The following TBX1 variants were observed in gnomAD, a reference collection of about 807,000 sequenced individuals.
TBX1 encodes T-box transcription factor TBX1.
TBX1 carries 16 observed loss-of-function variants against 40.8 expected under a neutral mutation model. The ratio of observed to expected loss-of-function variants is 0.39; its 90% CI spans 0.27 to 0.60. TBX1 has a LOEUF of 0.60. TBX1 is among the 20% of genes least tolerant of loss of function. TBX1 has a pLI of 0.51. For synonymous variants in TBX1, 403 were observed against 336.8 expected (o/e 1.20, Z -2.15); for missense variants, 755 against 728.5 (o/e 1.04, Z -0.42).
chr22:19,766,502 G>C lies in TBX1; in HGVS notation c.1150G>C (p.Gly384Arg), dbSNP rs985110861. The change falls in exon 7 of 7, where the codon GGG (glycine) becomes CGG (arginine). Residue 384 changes from glycine (G) to arginine (R), a missense_variant. Transcript: ENST00000649276. ...LARVLSPSLPGAGGAGGLVPL... is the reference protein window; with the variant it reads ...LARVLSPSLPRAGGAGGLVPL... The stretch of plus-strand genomic sequence containing the variant: ...CCGGGTGCTAAGCCCCTCGCTGCCC[G>C]GGGCCGGCGGCGCCGGCGGCTTAGT... 2.3e-6 allele frequency: 3 copies of C among 1,308,780 alleles called. No individual in the cohort carries two copies. The highest frequency in any genetic ancestry group is 1.6e-5 in the African/African-American group (1 of 63,948). 81.1% of individuals were successfully genotyped at this position (1,308,780 alleles called of 1,614,324 possible).
upstream of TBX1, among the ~76,000 whole-genome samples, chr22:19,760,156 G>C (rs940097623): frequency 1.1e-4 from 16 of 146,806 alleles, no homozygotes; most frequent in African/African-American, 3.8e-4. Flanking sequence ...AGAAAACGAA[G>C]GGAAAATTTA....
chr22:19,781,183 G>A (rs1192705212), downstream of TBX1, among the ~76,000 whole-genome samples: 2 of 152,120 alleles, frequency 1.3e-5, no homozygotes, highest in African/African-American at 4.8e-5. Context: ...TAGTGATGCT[G>A]TGCCTGCTGG....
downstream of TBX1, among the ~76,000 whole-genome samples, chr22:19,769,093 TG>T (rs1435071892): frequency 6.6e-6 from 1 of 151,868 alleles, no homozygotes; most frequent in African/African-American, 2.4e-5. Context: ...TCAGAGTAGC[TG>T]GGACTACAGG....
intron 8 of TBX1, among the ~76,000 whole-genome samples, chr22:19,778,432 T>G (rs964995958): frequency 6.8e-6 from 1 of 147,436 alleles, no homozygotes; most frequent in Non-Finnish European, 1.5e-5. Context: ...TTCTTTCTTT[T>G]CTTCTTCTTT....
chr22:19,763,385 T>G, intron 2 of TBX1, 43 bp downstream of exon 2: 1 of 1,596,054 alleles, frequency 6.3e-7, no homozygotes, highest in Non-Finnish European at 8.6e-7. Flanking sequence ...GAGGGCACCC[T>G]GGAAAGTGGC....
At chr22:19,757,064 C>G (rs1309167308), upstream of TBX1, among the ~76,000 whole-genome samples, 1 of 152,180 alleles carries the variant, frequency 6.6e-6, no homozygotes, top group Non-Finnish European at 1.5e-5. Flanking sequence ...TTCCGGGCCC[C>G]TTTAGCCGAG....
At chr22:19,782,972 C>G (rs1311024739), downstream of TBX1, 5 of 1,463,354 alleles carry the variant, frequency 3.4e-6, no homozygotes, top group East Asian at 1.1e-4. Flanking sequence ...CTTGAAGCCC[C>G]CAAGTAAGAA....
rs746699675 is a variant in TBX1, at chr22:19,766,794, C to G, written c.1442C>G (p.Ala481Gly). The G allele has an allele frequency of 6.6e-7, 1 of 1,514,192 alleles. No individual in the cohort carries two copies. Among genetic ancestry groups the G allele is most frequent in the Non-Finnish European group, 8.7e-7 (1 of 1,146,204 alleles). 93.8% of individuals were successfully genotyped at this position (1,514,192 alleles called of 1,614,324 possible). Residue 481 changes from alanine (A) to glycine (G), a missense_variant, in exon 7 of 7, where the codon GCT (alanine) becomes GGT (glycine). Ala to Gly is a moderately conservative substitution (Grantham distance 60). Transcript: ENST00000649276. ...GCGGCCGCCGCCGCCGCTGCCGCAGCTGCCGCGGCCGCCAACATGTACTCG... is the reference window on the plus strand; with the variant it reads ...GCGGCCGCCGCCGCCGCTGCCGCAGGTGCCGCGGCCGCCAACATGTACTCG... ...AAAAAAAAAA[A>G]AAAANMYSSA... is the part of the protein sequence containing the mutation.
upstream of TBX1, chr22:19,759,823 G>A: frequency 9.7e-7 from 1 of 1,030,556 alleles, no homozygotes. Flanking sequence ...CAGAGAGGAA[G>A]AGCCGGCATC....
At chr22:19,759,055 G>C (rs1936554221), upstream of TBX1, among the ~76,000 whole-genome samples, 1 of 152,176 alleles carries the variant, frequency 6.6e-6, no homozygotes, top group Non-Finnish European at 1.5e-5. Flanking sequence ...GCTGGGCTCC[G>C]GCAGCCACTC....
chr22:19,767,120 C>A lies in TBX1; in HGVS notation c.*253C>A, dbSNP rs938071683. 10 of 1,246,074 alleles carry A rather than the reference C, an allele frequency of 8.0e-6. No individual in the cohort carries two copies. Among genetic ancestry groups the A allele is most frequent in the Non-Finnish European group, 9.0e-6 (9 of 996,664 alleles). 77.2% of individuals were successfully genotyped at this position (1,246,074 alleles called of 1,614,324 possible). A position where few individuals can be genotyped will look rare whatever the true frequency, so the allele number is the denominator to read the frequency against. On this transcript the variant is annotated 3_prime_UTR_variant, in exon 7 of 7. Transcript: ENST00000649276. ...CCCCGGCCCCGAGGGCCAAGGGGGT[C>A]CCCGCCCGCCAGTGCCAAAGCGCCC...
At chr22:19,770,186 C>T (rs886513600), downstream of TBX1, among the ~76,000 whole-genome samples, 20 of 152,154 alleles carry the variant, frequency 1.3e-4, no homozygotes, top group African/African-American at 3.9e-4. Flanking sequence ...CTCAGGAGGA[C>T]GAGAGACCAG....
downstream of TBX1, among the ~76,000 whole-genome samples, chr22:19,781,904 C>T (rs1937146322): frequency 6.6e-6 from 1 of 152,180 alleles, no homozygotes; most frequent in Non-Finnish European, 1.5e-5. Context: ...AGGAGAATTG[C>T]TTGAGGCCAG....
chr22:19,767,403 G>C, downstream of TBX1: 2 of 985,908 alleles, frequency 2.0e-6, no homozygotes, highest in Non-Finnish European at 2.4e-6. Flanking sequence ...AGCGAGCCCG[G>C]GGTAGCTCAG....
At chr22:19,774,277 G>A (rs569017950) in intron 8 of TBX1, among the ~76,000 whole-genome samples, 40 of 152,158 alleles carry the variant, frequency 2.6e-4, no homozygotes, top group Admixed American at 1.3e-3. Context: ...CGCCTGGGCG[G>A]GCCTAGGCAC....
chr22:19,762,002 A>G (rs1978060), intron 1 of TBX1, among the ~76,000 whole-genome samples: 95,483 of 152,190 alleles, frequency 0.63, 30,762 homozygotes, highest in African/African-American at 0.76. Context: ...TCTAATGTAC[A>G]CACCAGCTCG....
chr22:19,762,056 C>T (rs571505763), intron 1 of TBX1, among the ~76,000 whole-genome samples: 128 of 152,384 alleles, frequency 8.4e-4, no homozygotes, highest in African/African-American at 2.9e-3. Flanking sequence ...TTTGCAAAGC[C>T]TTCTCGTGGT....
At position 19,766,978 on chromosome 22, in the gene TBX1, C is replaced by A. The variant is rs901809779; in HGVS notation, c.*111C>A. 3 of 1,463,446 alleles carry A rather than the reference C, an allele frequency of 2.0e-6. No homozygotes were observed. The highest frequency in any genetic ancestry group is 4.7e-5 in the Admixed American group (2 of 42,302). 90.7% of individuals were successfully genotyped at this position (1,463,446 alleles called of 1,614,324 possible). A position where few individuals can be genotyped will look rare whatever the true frequency, so the allele number is the denominator to read the frequency against. ...GAATACGTTCCCCCAGCCCCAGGGG[C>A]CACCGCGGCTCTCCCCTTCCCCAGC... On this transcript the variant is annotated 3_prime_UTR_variant, in exon 7 of 7. Coordinates refer to ENST00000649276, the MANE Select transcript of TBX1 (RefSeq NM_001379200.1).
intron 2 of TBX1, chr22:19,763,807 T>A (rs1936744601): frequency 2.1e-6 from 1 of 469,078 alleles, no homozygotes; most frequent in East Asian, 3.9e-5. Context: ...GAACGCGCAC[T>A]GCCCTGTGCC....
Sources: gnomAD v4.1 joint callset for allele counts (sites outside exome capture counted in the v4.1 genomes callset) on GRCh38, gnomAD v4.1.1 for gene constraint, MANE v1.5 for transcripts, NCBI Gene and HGNC (gene_info 2026-07-23, HGNC 2026-07-21) for gene names.